RHOG: variants seen among roughly 807,000 people sequenced by gnomAD.
RHOG encodes ras homolog family member G.
RHOG carries 1 observed loss-of-function variant against 12.3 expected under a neutral mutation model. That is an observed-to-expected ratio of 0.08 (90% CI 0.03 to 0.39). The LOEUF (loss-of-function observed/expected upper bound fraction) is 0.39. Ranked by LOEUF, RHOG falls within the 10% of genes least tolerant of loss-of-function variation. The probability of loss-of-function intolerance (pLI) is 0.99; values close to 1 mark genes in which losing one functional copy is unlikely to be tolerated. For missense variants in RHOG, 114 were observed against 266.2 expected, an observed-to-expected ratio of 0.43 and a Z score of 3.98; for synonymous variants, 129 against 116.0, an observed-to-expected ratio of 1.11 and a Z score of -0.72.
Position 3,828,834 on chromosome 11 carries a change from A to C in RHOG, c.-68-628T>G, listed in dbSNP as rs527609357. On this transcript the variant is annotated intron_variant, in intron 1 of 1. Coordinates refer to ENST00000351018, the MANE Select transcript of RHOG (RefSeq NM_001665.4). ...ATGGGGTTTCACCGTGTTGGCCAGG[A>C]TGGTCTCGATCTCCTGACCTCGTGA... is the stretch of plus-strand genomic sequence containing the variant. Among the ~76,000 whole-genome samples, 11 of 151,562 alleles carry C rather than the reference A, an allele frequency of 7.3e-5. No homozygotes were observed. In the South Asian group the frequency reaches 1.3e-3, roughly 17 times the overall value.
intron 1 of RHOG, among the ~76,000 whole-genome samples, chr11:3,835,717 G>A (rs1469618625): frequency 6.6e-6 from 1 of 152,186 alleles, no homozygotes; most frequent in African/African-American, 2.4e-5. Context: ...CAGAGATGAT[G>A]AGGAAGATGG....
rs547722642 is a variant in RHOG, at chr11:3,827,271, A to G, written c.*292T>C. ...TGGAAAGCTGGATGAACTGGTCAGT[A>G]GCGGAAAATGGGAGGGGGCACTGGG... is the stretch of plus-strand genomic sequence containing the variant. On this transcript the variant is annotated 3_prime_UTR_variant, in exon 2 of 2. Transcript: ENST00000351018. The surrounding 1 kb of genome is among the most constrained non-coding windows in gnomAD (Gnocchi z 7.3). 2.2e-5 allele frequency: 10 copies of G among 452,244 alleles called. No individual in the cohort carries two copies. The highest frequency in any genetic ancestry group is 4.0e-5 in the Non-Finnish European group (10 of 248,974). 28.0% of individuals were successfully genotyped at this position (452,244 alleles called of 1,614,324 possible).
chr11:3,835,613 C>T lies in RHOG; in HGVS notation c.-69+5281G>A, dbSNP rs1198065544. On this transcript the variant is annotated intron_variant, in intron 1 of 1. Coordinates refer to ENST00000351018, the MANE Select transcript of RHOG (RefSeq NM_001665.4). The stretch of plus-strand genomic sequence containing the variant: ...AAGTAACCAACTTCTTTCTCATTCA[C>T]CCTGAAGAGCCCAAAGTTGGGGTAA... 2.0e-5 allele frequency among the ~76,000 whole-genome samples: 3 copies of T among 152,180 alleles called. No homozygotes were observed. In the East Asian group the frequency reaches 5.8e-4, roughly 29 times the overall value.
In RHOG at chr11:3,828,813, G is replaced by A. The variant is rs1252495397; in HGVS notation, c.-68-607C>T. On this transcript the variant is annotated intron_variant, in intron 1 of 1. Transcript: ENST00000351018. ...TTTTTTGTATTTTTAGTAGAGATGG[G>A]GTTTCACCGTGTTGGCCAGGATGGT... Among the ~76,000 whole-genome samples, 18 of 151,504 alleles carry A rather than the reference G, an allele frequency of 1.2e-4. No individual in the cohort carries two copies. In the East Asian group the frequency reaches 2.1e-3, roughly 18 times the overall value.
intron 1 of RHOG, among the ~76,000 whole-genome samples, chr11:3,835,287 G>A (rs980561493): frequency 1.3e-5 from 2 of 152,100 alleles, no homozygotes; most frequent in African/African-American, 4.8e-5. Context: ...CCTGGAATGC[G>A]ACTCACCCCC....
rs751837528 is a variant in RHOG, at chr11:3,827,851, C to T, written c.288G>A (p.Lys96=). 12 of 1,614,086 alleles carry T rather than the reference C, an allele frequency of 7.4e-6. No individual in the cohort carries two copies. Among genetic ancestry groups the T allele is most frequent in the African/African-American group, 1.3e-5 (1 of 74,954 alleles). The change falls in exon 2 of 2, where the codon AAG becomes AAA. Residue 96 remains lysine (K), a synonymous_variant. Transcript: ENST00000351018. This position sits in a 1 kb window ranked among gnomAD's most constrained non-coding sequence, Gnocchi z 7.3. ...SPPSYENVRH[K]WHPEVCHHCP... ...AGTGGTGGCACACCTCTGGATGCCA[C>T]TTGTGCCGCACGTTCTCATAGGACG...
In RHOG at chr11:3,827,730, T is replaced by C. The variant is rs568201934; in HGVS notation, c.409A>G (p.Ile137Val). 124 of 1,614,080 alleles carry C rather than the reference T, an allele frequency of 7.7e-5. 1 individual carries two copies. In the South Asian group the frequency reaches 1.3e-3, roughly 17 times the overall value. ...RRLKEQGQAPITPQQGQALAK... is the reference protein window; with the variant it reads ...RRLKEQGQAPVTPQQGQALAK... ...AGTGCCTGGCCCTGCTGCGGTGTGA[T>C]GGGCGCCTGGCCCTGCTCCTTGAGG... The change falls in exon 2 of 2, where the codon ATC becomes GTC. Residue 137 changes from isoleucine (I) to valine (V), a missense_variant. This residue lies in a region of RHOG where 61 missense variants were observed against 101.4 expected (regional missense o/e 0.60). Transcript: ENST00000351018. The surrounding 1 kb of genome is among the most constrained non-coding windows in gnomAD (Gnocchi z 7.3).
intron 1 of RHOG, among the ~76,000 whole-genome samples, chr11:3,836,745 CAAA>C (rs915880404): frequency 6.6e-6 from 1 of 150,660 alleles, no homozygotes; most frequent in African/African-American, 2.4e-5. Flanking sequence ...CTAAAAAATA[CAAA>C]AAAAATTAGC....
intron 1 of RHOG, among the ~76,000 whole-genome samples, chr11:3,830,176 C>G (rs1164229090): frequency 6.6e-6 from 1 of 152,176 alleles, no homozygotes; most frequent in Non-Finnish European, 1.5e-5. Context: ...TTAGAGACTT[C>G]CAGACTCTTG....
intron 1 of RHOG, among the ~76,000 whole-genome samples, chr11:3,831,413 A>AGTGTGTGT (rs57646737): frequency 4.6e-5 from 7 of 151,602 alleles, no homozygotes; most frequent in African/African-American, 1.7e-4. Context: ...AATGAGAGAG[A>AGTGTGTGT]GTGTGTGTGT....
At chr11:3,834,923 CTG>C (rs1022524484) in intron 1 of RHOG, among the ~76,000 whole-genome samples, 4 of 152,198 alleles carry the variant, frequency 2.6e-5, no homozygotes, top group African/African-American at 7.2e-5. Flanking sequence ...CAATCCATCT[CTG>C]GCCATTCCAA....
At chr11:3,831,821 G>A (rs941492643) in intron 1 of RHOG, among the ~76,000 whole-genome samples, 1 of 152,184 alleles carries the variant, frequency 6.6e-6, no homozygotes, top group African/African-American at 2.4e-5. Flanking sequence ...CAGGAGAGTG[G>A]GTGTTGACAG....
intron 1 of RHOG, among the ~76,000 whole-genome samples, chr11:3,832,012 G>A (rs1325741744): frequency 6.6e-6 from 1 of 152,156 alleles, no homozygotes; most frequent in Non-Finnish European, 1.5e-5. Flanking sequence ...TCCGGGCTGG[G>A]AAGGGAACGA....
In RHOG at chr11:3,827,686, A is replaced by C. The variant is rs201163284; in HGVS notation, c.453T>G (p.Ala151=). 10 of 1,614,124 alleles carry C rather than the reference A, an allele frequency of 6.2e-6. No individual in the cohort carries two copies. Among genetic ancestry groups the C allele is most frequent in the South Asian group, 1.1e-5 (1 of 91,092 alleles). ...GGGCTGAGCATTCGAGGTAGCGCACAGCGTGGATCTGCTTGGCCAGTGCCT... is the reference window on the plus strand; with the variant it reads ...GGGCTGAGCATTCGAGGTAGCGCACCGCGTGGATCTGCTTGGCCAGTGCCT... ...QGQALAKQIH[A]VRYLECSALQ... Residue 151 remains alanine, a synonymous_variant, in exon 2 of 2, where the codon GCT becomes GCG. Coordinates refer to ENST00000351018, the MANE Select transcript of RHOG (RefSeq NM_001665.4). The surrounding 1 kb of genome is among the most constrained non-coding windows in gnomAD (Gnocchi z 7.3).
chr11:3,828,197 C>A lies in RHOG; in HGVS notation c.-59G>T. On this transcript the variant is annotated 5_prime_UTR_variant, in exon 2 of 2. Transcript: ENST00000351018. The stretch of plus-strand genomic sequence containing the variant: ...TCCTCTCTCTTCTGGACCCCTCTGG[C>A]TGCAGTGACCTGTGGACAGATGAAA... The A allele has an allele frequency of 6.8e-7, 1 of 1,470,944 alleles. No individual in the cohort carries two copies. The highest frequency in any genetic ancestry group is 9.3e-7 in the Non-Finnish European group (1 of 1,072,614). The allele number at this position is 1,470,944 out of a possible 1,614,324, so 91.1% of individuals were successfully genotyped here. A position where few individuals can be genotyped will look rare whatever the true frequency, so the allele number is the denominator to read the frequency against.
At chr11:3,835,681 G>A (rs1554947898) in intron 1 of RHOG, among the ~76,000 whole-genome samples, 1 of 152,218 alleles carries the variant, frequency 6.6e-6, no homozygotes, top group Non-Finnish European at 1.5e-5. Context: ...CTGGAAGGGT[G>A]AGAGGTGAAG....
chr11:3,827,707 TGCCTGGCCCTGCTGCGGTGTGATGGGC>T lies in RHOG; in HGVS notation c.405_431del (p.Pro136_Ala144del). On this transcript the variant is annotated inframe_deletion, in exon 2 of 2. Coordinates refer to ENST00000351018, the MANE Select transcript of RHOG (RefSeq NM_001665.4). The surrounding 1 kb of genome is among the most constrained non-coding windows in gnomAD (Gnocchi z 7.3). ...GCACAGCGTGGATCTGCTTGGCCAG[TGCCTGGCCCTGCTGCGGTGTGATGGGC>T]GCCTGGCCCTGCTCCTTGAGGCGCC... The T allele has an allele frequency of 1.2e-6, 2 of 1,614,098 alleles. No individual in the cohort carries two copies. The highest frequency in any genetic ancestry group is 1.7e-6 in the Non-Finnish European group (2 of 1,180,036).
intron 1 of RHOG, chr11:3,830,499 GAA>G (rs1236877054): frequency 6.6e-6 from 1 of 151,702 alleles, no homozygotes; most frequent in East Asian, 1.9e-4. Context: ...TACAAAAAAT[GAA>G]AAAATTACCA....
intron 1 of RHOG, among the ~76,000 whole-genome samples, chr11:3,829,673 G>A (rs2090114332): frequency 6.6e-6 from 1 of 152,184 alleles, no homozygotes; most frequent in Non-Finnish European, 1.5e-5. Flanking sequence ...GTCTGGGTAT[G>A]TTATGATGAA....
Sources: allele counts gnomAD v4.1 joint callset (sites outside exome capture counted in the v4.1 genomes callset), GRCh38; gene constraint gnomAD v4.1.1; regional missense constraint gnomAD v4.1.1; non-coding constraint Gnocchi (gnomAD v3.1); transcripts MANE v1.5; gene names NCBI Gene and HGNC (gene_info 2026-07-23, HGNC 2026-07-21).